The following FGGY variants were observed in gnomAD, a reference collection of about 807,000 sequenced individuals.
The protein encoded by FGGY is FGGY carbohydrate kinase domain containing.
Under a neutral mutation model 71.3 loss-of-function variants are expected in FGGY, and 72 were observed. The observed-to-expected ratio is 1.01, with a 90% CI of 0.84 to 1.23. FGGY has a LOEUF of 1.23. FGGY is among the 50% of genes most tolerant of loss of function. FGGY has a pLI of 0.00. For synonymous variants in FGGY, 251 were observed against 250.3 expected (o/e 1.00, Z -0.02); for missense variants, 668 against 682.3 (o/e 0.98, Z 0.23).
chr1:59,416,317 T>C (rs1045911795), intron 5 of FGGY, among the ~76,000 whole-genome samples: 1 of 152,168 alleles, frequency 6.6e-6, no homozygotes, highest in Non-Finnish European at 1.5e-5. Context: ...ATACACAATC[T>C]GTCTGTGGTA....
At chr1:59,737,742 G>A (rs544874128) in intron 14 of FGGY, among the ~76,000 whole-genome samples, 20 of 152,304 alleles carry the variant, frequency 1.3e-4, no homozygotes, top group Middle Eastern at 6.8e-3. Context: ...CAGAGGTGAC[G>A]CTGGACTGTG....
At chr1:59,622,350 C>T (rs746582300) in intron 9 of FGGY, among the ~76,000 whole-genome samples, 1 of 152,006 alleles carries the variant, frequency 6.6e-6, no homozygotes, top group Non-Finnish European at 1.5e-5. Context: ...TCCTGTTCCT[C>T]AATATGTATA....
At chr1:59,415,140 G>A (rs2064175620) in intron 5 of FGGY, among the ~76,000 whole-genome samples, 1 of 152,178 alleles carries the variant, frequency 6.6e-6, no homozygotes, top group Non-Finnish European at 1.5e-5. Flanking sequence ...CGATTTCTTT[G>A]CCGTCTGGTG....
intron 1 of FGGY, among the ~76,000 whole-genome samples, chr1:59,319,209 A>G (rs1006692358): frequency 6.6e-6 from 1 of 152,224 alleles, no homozygotes; most frequent in Non-Finnish European, 1.5e-5. Context: ...TAGAGAAGCT[A>G]AATATGGAAA....
chr1:59,641,672 T>C (rs1020673653), intron 11 of FGGY, among the ~76,000 whole-genome samples: 2 of 152,192 alleles, frequency 1.3e-5, no homozygotes, highest in Non-Finnish European at 2.9e-5. Flanking sequence ...CTTGAAAATA[T>C]TTGTAAAAAT....
chr1:59,629,747 C>A (rs1572336572), intron 10 of FGGY, among the ~76,000 whole-genome samples: 2 of 152,176 alleles, frequency 1.3e-5, no homozygotes, highest in East Asian at 3.8e-4. Context: ...AGACCTGAAT[C>A]CAAATCTCAG....
At chr1:59,369,878 A>T (rs1285716697) in intron 4 of FGGY, among the ~76,000 whole-genome samples, 1 of 152,218 alleles carries the variant, frequency 6.6e-6, no homozygotes, top group African/African-American at 2.4e-5. Context: ...GAAAACTAAC[A>T]AACAGAAAGG....
At chr1:59,441,598 TAAC>T in intron 5 of FGGY, among the ~76,000 whole-genome samples, 1 of 152,184 alleles carries the variant, frequency 6.6e-6, no homozygotes, top group Non-Finnish European at 1.5e-5. Flanking sequence ...AAAACAATGG[TAAC>T]AAGAGCAGCT....
chr1:59,374,307 T>C (rs963094750), intron 4 of FGGY, among the ~76,000 whole-genome samples: 5 of 152,206 alleles, frequency 3.3e-5, no homozygotes, highest in African/African-American at 9.6e-5. Context: ...GAAAAAATGC[T>C]CACCATCACT....
chr1:59,331,136 C>T (rs9787234), intron 2 of FGGY, among the ~76,000 whole-genome samples: 29,024 of 151,974 alleles, frequency 0.19, 3,348 homozygotes, highest in East Asian at 0.35. Flanking sequence ...GACTGAGAGG[C>T]TTTAGGAAGG....
chr1:59,681,624 T>C (rs773613347), intron 14 of FGGY, among the ~76,000 whole-genome samples: 7 of 152,214 alleles, frequency 4.6e-5, no homozygotes, highest in Non-Finnish European at 8.8e-5. Context: ...AACATTCTTG[T>C]TGGAATAAAC....
intron 14 of FGGY, among the ~76,000 whole-genome samples, chr1:59,687,709 C>T (rs1331419830): frequency 6.6e-6 from 1 of 151,754 alleles, no homozygotes; most frequent in African/African-American, 2.4e-5. Flanking sequence ...ACCTCGTGAT[C>T]CACCCACCTC....
rs544319929 is a variant in FGGY, at chr1:59,695,151, T to G, written c.1512+21018T>G. Among the ~76,000 whole-genome samples the G allele has an allele frequency of 7.3e-4, 111 of 152,366 alleles. 1 individual carries two copies. Among genetic ancestry groups the G allele is most frequent in the African/African-American group, 2.6e-3 (107 of 41,580 alleles). The stretch of plus-strand genomic sequence containing the variant: ...TCTATATGTGGCAGTGACTATGTGC[T>G]AGATGGTGGAGAAACAATGACAAGC... On this transcript the variant is annotated intron_variant, in intron 14 of 15. Coordinates refer to ENST00000303721, the MANE Select transcript of FGGY (RefSeq NM_018291.5).
chr1:59,734,772 G>GA (rs2098085555), intron 14 of FGGY, among the ~76,000 whole-genome samples: 1 of 152,210 alleles, frequency 6.6e-6, no homozygotes, highest in Admixed American at 6.5e-5. Context: ...CCCTCCCACA[G>GA]AGAGAGGAAG....
At chr1:59,401,098 G>A (rs953044064) in intron 5 of FGGY, among the ~76,000 whole-genome samples, 32 of 151,950 alleles carry the variant, frequency 2.1e-4, no homozygotes, top group Admixed American at 1.0e-3. Context: ...AATGTTCTTC[G>A]TCAAGTAGCT....
At chr1:59,557,743 A>C (rs944548810) in intron 8 of FGGY, among the ~76,000 whole-genome samples, 9 of 152,186 alleles carry the variant, frequency 5.9e-5, no homozygotes, top group Non-Finnish European at 1.0e-4. Flanking sequence ...ATGGGGTAAG[A>C]TGGAGCTGAT....
intron 7 of FGGY, among the ~76,000 whole-genome samples, chr1:59,544,663 T>C (rs2095494708): frequency 6.6e-6 from 1 of 152,164 alleles, no homozygotes; most frequent in Non-Finnish European, 1.5e-5. Flanking sequence ...AATGACCCTG[T>C]AAAGGAAATG....
intron 5 of FGGY, among the ~76,000 whole-genome samples, chr1:59,379,955 C>G (rs2059188631): frequency 6.6e-6 from 1 of 152,258 alleles, no homozygotes; most frequent in South Asian, 2.1e-4. Context: ...GCCTCCCCAC[C>G]CCACAACAGG....
intron 14 of FGGY, among the ~76,000 whole-genome samples, chr1:59,712,156 C>T (rs2097799293): frequency 6.6e-6 from 1 of 152,286 alleles, no homozygotes; most frequent in Admixed American, 6.5e-5. Context: ...AGGCCCCATG[C>T]AAGTCCAAAA....
Sources: gnomAD v4.1 joint callset for allele counts (sites outside exome capture counted in the v4.1 genomes callset) on GRCh38, gnomAD v4.1.1 for gene constraint, MANE v1.5 for transcripts, NCBI Gene and HGNC (gene_info 2026-07-23, HGNC 2026-07-21) for gene names.